NKAIN2: variants seen among roughly 807,000 people sequenced by gnomAD.
NKAIN2 encodes sodium/potassium transporting ATPase interacting 2.
A neutral mutation model predicts 32.6 loss-of-function variants in NKAIN2; 14 were observed. The observed-to-expected ratio is 0.43, with a 90% CI of 0.28 to 0.67. NKAIN2 has a LOEUF of 0.67. Ranked by LOEUF, NKAIN2 falls within the 30% of genes least tolerant of loss-of-function variation. The probability of loss-of-function intolerance (pLI) is 0.17; values close to 1 mark genes in which losing one functional copy is unlikely to be tolerated. For missense variants in NKAIN2, 198 were observed against 258.3 expected, an observed-to-expected ratio of 0.77 and a Z score of 1.60; for synonymous variants, 80 against 87.2, an observed-to-expected ratio of 0.92 and a Z score of 0.46.
intron 4 of NKAIN2, among the ~76,000 whole-genome samples, chr6:124,749,893 G>A (rs1230743636): frequency 1.3e-5 from 2 of 151,512 alleles, no homozygotes; most frequent in Non-Finnish European, 2.9e-5. Context: ...CAAAATACTT[G>A]CAAAATTCTG....
chr6:124,129,036 G>A (rs1786324167), intron 1 of NKAIN2, among the ~76,000 whole-genome samples: 1 of 152,162 alleles, frequency 6.6e-6, no homozygotes, highest in African/African-American at 2.4e-5. Flanking sequence ...CAGTAATACT[G>A]CTTGCCTGTC....
intron 1 of NKAIN2, among the ~76,000 whole-genome samples, chr6:123,908,131 T>A (rs1774983164): frequency 6.6e-6 from 1 of 152,194 alleles, no homozygotes; most frequent in Non-Finnish European, 1.5e-5. Context: ...AACAGGTAAT[T>A]GCAACTTCAT....
chr6:124,774,571 C>T (rs1468074194), intron 4 of NKAIN2, among the ~76,000 whole-genome samples: 2 of 152,016 alleles, frequency 1.3e-5, no homozygotes, highest in Non-Finnish European at 2.9e-5. Context: ...CTGTCAACAC[C>T]TTGGCTGGGC....
At chr6:124,752,443 A>C (rs1777765346) in intron 4 of NKAIN2, among the ~76,000 whole-genome samples, 1 of 151,786 alleles carries the variant, frequency 6.6e-6, no homozygotes, top group Admixed American at 6.6e-5. Flanking sequence ...TATTTTCTTC[A>C]AGCTTTCTTT....
At chr6:124,680,565 G>A (rs1222496716) in intron 4 of NKAIN2, among the ~76,000 whole-genome samples, 1 of 151,962 alleles carries the variant, frequency 6.6e-6, no homozygotes, top group East Asian at 1.9e-4. Context: ...ATGTCTTAGT[G>A]GTATTTGGCT....
intron 4 of NKAIN2, among the ~76,000 whole-genome samples, chr6:124,669,051 G>C (rs1747952123): frequency 6.6e-6 from 1 of 152,040 alleles, no homozygotes; most frequent in Admixed American, 6.6e-5. Context: ...GCAGTAGTAT[G>C]GATTTTTCTT....
intron 1 of NKAIN2, among the ~76,000 whole-genome samples, chr6:124,203,796 CT>C (rs1004052547): frequency 2.0e-5 from 3 of 151,560 alleles, no homozygotes; most frequent in African/African-American, 7.3e-5. Flanking sequence ...ATTACACATT[CT>C]TTTTTTTAAA....
rs554556692 is a variant in NKAIN2, at chr6:123,804,080, C to T, written c.-121C>T. 3.2e-5 allele frequency: 29 copies of T among 893,936 alleles called. No individual in the cohort carries two copies. Among genetic ancestry groups the T allele is most frequent in the South Asian group, 1.5e-4 (11 of 75,146 alleles). 55.4% of individuals were successfully genotyped at this position (893,936 alleles called of 1,614,324 possible). A position where few individuals can be genotyped will look rare whatever the true frequency, so the allele number is the denominator to read the frequency against. On this transcript the variant is annotated 5_prime_UTR_variant, in exon 1 of 7. Coordinates refer to ENST00000368417, the MANE Select transcript of NKAIN2 (RefSeq NM_001040214.3). ...CCCAGGACGCTGGCAGCAGCAGCAGCCCGGAGCCCCCGAGCCCTCGGCAGG... is the reference window on the plus strand; with the variant it reads ...CCCAGGACGCTGGCAGCAGCAGCAGTCCGGAGCCCCCGAGCCCTCGGCAGG...
intron 5 of NKAIN2, among the ~76,000 whole-genome samples, chr6:124,812,087 A>T (rs1397960084): frequency 6.6e-6 from 1 of 152,302 alleles, no homozygotes; most frequent in Non-Finnish European, 1.5e-5. Flanking sequence ...TGACCGTCTC[A>T]CTGGAGTCCT....
intron 4 of NKAIN2, among the ~76,000 whole-genome samples, chr6:124,722,616 T>C (rs544356993): frequency 6.6e-6 from 1 of 152,272 alleles, no homozygotes; most frequent in East Asian, 1.9e-4. Context: ...CTGCCACTGA[T>C]CCAACAGGAG....
intron 1 of NKAIN2, among the ~76,000 whole-genome samples, chr6:124,095,328 C>CG (rs1784606570): frequency 6.6e-6 from 1 of 152,146 alleles, no homozygotes; most frequent in Non-Finnish European, 1.5e-5. Context: ...AAAAGACCTA[C>CG]ACAGGTTACA....
intron 1 of NKAIN2, among the ~76,000 whole-genome samples, chr6:123,994,858 G>C (rs1212814697): frequency 6.6e-6 from 1 of 152,098 alleles, no homozygotes; most frequent in Non-Finnish European, 1.5e-5. Flanking sequence ...AATTGCAGTA[G>C]TCCTCTTTGG....
intron 1 of NKAIN2, among the ~76,000 whole-genome samples, chr6:123,926,312 T>A (rs1776000678): frequency 6.6e-6 from 1 of 152,222 alleles, no homozygotes; most frequent in African/African-American, 2.4e-5. Flanking sequence ...GGAAAATATT[T>A]ACAGCTGTCT....
chr6:124,267,840 C>T (rs1023413810), intron 1 of NKAIN2, among the ~76,000 whole-genome samples: 2 of 152,066 alleles, frequency 1.3e-5, no homozygotes, highest in African/African-American at 4.8e-5. Context: ...TGAAAAATAT[C>T]TTTAATTTAT....
At chr6:124,687,755 C>T (rs1222341691) in intron 4 of NKAIN2, among the ~76,000 whole-genome samples, 4 of 141,024 alleles carry the variant, frequency 2.8e-5, no homozygotes, top group South Asian at 4.4e-4. Flanking sequence ...CACACACACA[C>T]ACACACACAC....
intron 1 of NKAIN2, among the ~76,000 whole-genome samples, chr6:123,955,903 TAGGAG>T (rs935826441): frequency 2.0e-5 from 3 of 152,130 alleles, no homozygotes; most frequent in Non-Finnish European, 2.9e-5. Context: ...GCCGGGATTA[TAGGAG>T]TGAGCTACCA....
intron 1 of NKAIN2, among the ~76,000 whole-genome samples, chr6:123,970,058 A>G (rs1778264679): frequency 6.6e-6 from 1 of 152,020 alleles, no homozygotes; most frequent in Admixed American, 6.6e-5. Context: ...AGAATTGTAC[A>G]ATATTATACT....
At chr6:124,528,471 C>A (rs1181853211) in intron 3 of NKAIN2, among the ~76,000 whole-genome samples, 1 of 152,158 alleles carries the variant, frequency 6.6e-6, no homozygotes, top group Non-Finnish European at 1.5e-5. Flanking sequence ...CCACCTAATG[C>A]AGTTCCTTGA....
intron 4 of NKAIN2, among the ~76,000 whole-genome samples, chr6:124,677,030 G>A (rs921495318): frequency 1.2e-4 from 18 of 152,092 alleles, no homozygotes; most frequent in East Asian, 3.9e-4. Context: ...GTCCAGTGGC[G>A]TGATCTCGGC....
Sources: allele counts gnomAD v4.1 joint callset (sites outside exome capture counted in the v4.1 genomes callset), GRCh38; gene constraint gnomAD v4.1.1; transcripts MANE v1.5; gene names NCBI Gene and HGNC (gene_info 2026-07-23, HGNC 2026-07-21).